The following MAST4 variants were observed in gnomAD, a reference collection of about 807,000 sequenced individuals.
MAST4 encodes microtubule associated serine/threonine kinase family member 4.
In MAST4, 89 loss-of-function variants were observed where a neutral mutation model predicts 162.7. That is an observed-to-expected ratio of 0.55 (90% CI 0.46 to 0.65). MAST4 has a LOEUF of 0.65. Among genes scored for constraint, MAST4 ranks in the 30% least tolerant of loss-of-function variants. The pLI, the probability that MAST4 is intolerant of heterozygous loss-of-function variation, is 0.00. For missense variants in MAST4, 3,153 were observed against 3,374.0 expected, an observed-to-expected ratio of 0.93 and a Z score of 1.62; for synonymous variants, 1,479 against 1,361.1, an observed-to-expected ratio of 1.09 and a Z score of -1.91.
chr5:67,009,446 G>A (rs1476370342), intron 4 of MAST4, among the ~76,000 whole-genome samples: 1 of 152,132 alleles, frequency 6.6e-6, no homozygotes, highest in East Asian at 1.9e-4. Context: ...GGTTAAGAGG[G>A]TCGTTCTGAA....
chr5:66,782,517 G>A (rs1180391263), intron 2 of MAST4, among the ~76,000 whole-genome samples: 2 of 152,174 alleles, frequency 1.3e-5, no homozygotes, highest in Non-Finnish European at 2.9e-5. Flanking sequence ...CACCTCTATG[G>A]TTGAGACCTG....
At chr5:66,887,942 C>T (rs1266859849) in intron 3 of MAST4, among the ~76,000 whole-genome samples, 2 of 152,070 alleles carry the variant, frequency 1.3e-5, no homozygotes, top group Admixed American at 1.3e-4. Flanking sequence ...GGCGCGGTGG[C>T]TCACGCCTGT....
At chr5:66,845,770 C>G (rs1010702925) in intron 3 of MAST4, among the ~76,000 whole-genome samples, 1 of 152,104 alleles carries the variant, frequency 6.6e-6, no homozygotes, top group African/African-American at 2.4e-5. Context: ...TCCTCTCCAG[C>G]ACCTGTTGTT....
intron 4 of MAST4, among the ~76,000 whole-genome samples, chr5:67,044,028 C>T (rs1185854614): frequency 6.6e-6 from 1 of 152,144 alleles, no homozygotes; most frequent in African/African-American, 2.4e-5. Flanking sequence ...AGGTCATAGC[C>T]GCTGTTTATC....
intron 4 of MAST4, among the ~76,000 whole-genome samples, chr5:66,950,748 T>C (rs1050279222): frequency 2.6e-5 from 4 of 152,178 alleles, no homozygotes; most frequent in African/African-American, 9.6e-5. Context: ...GCTGTGAAAA[T>C]GGGTATATAC....
intron 12 of MAST4, among the ~76,000 whole-genome samples, chr5:67,117,688 A>G (rs555123772): frequency 3.3e-4 from 50 of 152,210 alleles, no homozygotes; most frequent in African/African-American, 1.2e-3. Context: ...CTGTGATCCT[A>G]TCACTCAGAT....
At chr5:66,613,357 C>T (rs1206826512) in intron 1 of MAST4, among the ~76,000 whole-genome samples, 1 of 148,220 alleles carries the variant, frequency 6.7e-6, no homozygotes, top group South Asian at 2.1e-4. Flanking sequence ...TTTGGGATAG[C>T]ATTGTCTTCC....
intron 3 of MAST4, among the ~76,000 whole-genome samples, chr5:66,884,445 G>A (rs971530604): frequency 6.6e-6 from 1 of 152,216 alleles, no homozygotes; most frequent in Non-Finnish European, 1.5e-5. Context: ...ATATTTTGGG[G>A]AGTATGAATA....
intron 12 of MAST4, among the ~76,000 whole-genome samples, chr5:67,117,624 T>C (rs569200237): frequency 4.3e-4 from 66 of 152,070 alleles, no homozygotes; most frequent in African/African-American, 1.6e-3. Context: ...TTATTATGCA[T>C]GTTCAATTTT....
chr5:67,058,910 A>G (rs1178409543), intron 5 of MAST4, among the ~76,000 whole-genome samples: 3 of 152,252 alleles, frequency 2.0e-5, no homozygotes, highest in African/African-American at 7.2e-5. Context: ...TGTAGTAACA[A>G]ATTACTCATA....
chr5:66,829,868 G>A (rs27372), intron 3 of MAST4, among the ~76,000 whole-genome samples: 2 of 151,226 alleles, frequency 1.3e-5, no homozygotes, highest in East Asian at 2.0e-4. Flanking sequence ...TATAGGCAAC[G>A]AAAGGATTAT....
intron 1 of MAST4, among the ~76,000 whole-genome samples, chr5:66,722,700 C>T (rs1751292570): frequency 6.6e-6 from 1 of 152,050 alleles, no homozygotes; most frequent in South Asian, 2.1e-4. Flanking sequence ...GGCTGCAGCT[C>T]ATAACATTTT....
chr5:66,853,531 G>T (rs1386597617), intron 3 of MAST4, among the ~76,000 whole-genome samples: 1 of 152,216 alleles, frequency 6.6e-6, no homozygotes, highest in Non-Finnish European at 1.5e-5. Context: ...TATCACAGAA[G>T]ATGGAAGTCT....
At chr5:66,632,449 C>A (rs1744849348) in intron 1 of MAST4, among the ~76,000 whole-genome samples, 1 of 151,590 alleles carries the variant, frequency 6.6e-6, no homozygotes, top group South Asian at 2.1e-4. Context: ...GGGCTAAAAT[C>A]CTAGCTGTGA....
chr5:66,805,814 A>G (rs1580494471), intron 3 of MAST4, among the ~76,000 whole-genome samples: 1 of 152,174 alleles, frequency 6.6e-6, no homozygotes, highest in Non-Finnish European at 1.5e-5. Flanking sequence ...AAGGCTGGGG[A>G]TGTTTTCAGA....
At position 67,167,264 on chromosome 5, in the gene MAST4, C is replaced by CAAAAAAA. The variant is rs34486167; in HGVS notation, c.*236_*242dup. 3.8e-5 allele frequency: 3 copies of CAAAAAAA among 79,360 alleles called. No individual in the cohort carries two copies. Among genetic ancestry groups the CAAAAAAA allele is most frequent in the Non-Finnish European group, 7.2e-5 (3 of 41,600 alleles). 4.9% of individuals were successfully genotyped at this position (79,360 alleles called of 1,614,324 possible). ...AAACTGTTACCAGATAGTGTTTGTACAAAAAAAAAAAAAAAAAAAAAAAAA... is the reference window on the plus strand; with the variant it reads ...AAACTGTTACCAGATAGTGTTTGTACAAAAAAAAAAAAAAAAAAAAAAAAAAAAAAAA... On this transcript the variant is annotated 3_prime_UTR_variant, in exon 29 of 29. Coordinates refer to ENST00000403625, the MANE Select transcript of MAST4 (RefSeq NM_001164664.2).
At chr5:66,824,139 A>G (rs1171504999) in intron 3 of MAST4, among the ~76,000 whole-genome samples, 2 of 152,222 alleles carry the variant, frequency 1.3e-5, no homozygotes, top group Non-Finnish European at 2.9e-5. Context: ...GTTGTCTACA[A>G]GTAACCAACG....
At position 66,596,701 on chromosome 5, in the gene MAST4, TGCAGTGGCCACGGCA is replaced by T; in HGVS notation, c.49_63del (p.Ser17_Ser21del). On this transcript the variant is annotated inframe_deletion, in exon 1 of 29. Transcript: ENST00000403625. Reference sequence around the variant, plus strand: ...GGCGCCAGAGCCGGTGCCCCGCGGCTGCAGTGGCCACGGCAGCCGGACTCCAGCCTCTGCGCTGGT... The same window carrying T: ...GGCGCCAGAGCCGGTGCCCCGCGGCTGCCGGACTCCAGCCTCTGCGCTGGT... 6.8e-7 allele frequency: 1 copy of T among 1,468,336 alleles called. No homozygotes were observed. 91.0% of individuals were successfully genotyped at this position (1,468,336 alleles called of 1,614,324 possible). A position where few individuals can be genotyped will look rare whatever the true frequency, so the allele number is the denominator to read the frequency against.
intron 1 of MAST4, among the ~76,000 whole-genome samples, chr5:66,602,489 A>G (rs954338749): frequency 3.3e-5 from 5 of 151,592 alleles, no homozygotes; most frequent in Admixed American, 3.3e-4. Context: ...TAGTGGATAC[A>G]GTGCAGGAGT....
Sources: allele counts gnomAD v4.1 joint callset (sites outside exome capture counted in the v4.1 genomes callset), GRCh38; gene constraint gnomAD v4.1.1; transcripts MANE v1.5; gene names NCBI Gene and HGNC (gene_info 2026-07-23, HGNC 2026-07-21).